GRIP1: variants seen among roughly 807,000 people sequenced by gnomAD.
GRIP1 encodes the protein glutamate receptor-interacting protein 1.
GRIP1 carries 45 observed loss-of-function variants against 129.9 expected under a neutral mutation model. The ratio of observed to expected loss-of-function variants is 0.35; its 90% CI spans 0.27 to 0.44. The LOEUF is 0.44. Ranked by LOEUF, GRIP1 falls within the 20% of genes least tolerant of loss-of-function variation. The pLI, the probability that GRIP1 is intolerant of heterozygous loss-of-function variation, is 1.00. For synonymous variants in GRIP1, 530 were observed against 520.8 expected (o/e 1.02, Z -0.24); for missense variants, 1,196 against 1,396.8 (o/e 0.86, Z 2.29).
chr12:66,698,938 G>C (rs770239913), intron 1 of GRIP1, among the ~76,000 whole-genome samples: 1 of 152,142 alleles, frequency 6.6e-6, no homozygotes, highest in Admixed American at 6.6e-5. Flanking sequence ...CCCTTGCAGC[G>C]TTGTTGGGAG....
intron 1 of GRIP1, among the ~76,000 whole-genome samples, chr12:66,784,269 T>C (rs1022876197): frequency 1.6e-4 from 24 of 152,192 alleles, no homozygotes; most frequent in Non-Finnish European, 1.5e-5. Flanking sequence ...CACTAATTGA[T>C]AGGGCCTGCT....
chr12:66,363,200 C>CTATATAT (rs1565666281), intron 23 of GRIP1, among the ~76,000 whole-genome samples: 1,630 of 88,222 alleles, frequency 0.018, 143 homozygotes, highest in East Asian at 0.078. Context: ...TGTGTGTGTC[C>CTATATAT]ATATATATAT....
chr12:66,729,374 G>C (rs565799228), intron 1 of GRIP1, among the ~76,000 whole-genome samples: 1 of 152,092 alleles, frequency 6.6e-6, no homozygotes, highest in South Asian at 2.1e-4. Context: ...AAAATATAAA[G>C]GCAAATAGTG....
intron 1 of GRIP1, among the ~76,000 whole-genome samples, chr12:66,715,639 C>T (rs537124847): frequency 6.6e-6 from 1 of 152,110 alleles, no homozygotes; most frequent in Non-Finnish European, 1.5e-5. Context: ...CTGAATAAAT[C>T]AGTGGTTGTC....
chr12:66,350,532 C>T (rs1012364004), intron 24 of GRIP1, among the ~76,000 whole-genome samples: 1 of 152,140 alleles, frequency 6.6e-6, no homozygotes, highest in Non-Finnish European at 1.5e-5. Context: ...CATTTTGTTA[C>T]TGTTAGAATC....
chr12:66,465,107 G>C (rs1359840031), intron 8 of GRIP1, among the ~76,000 whole-genome samples, 168 bp downstream of exon 8: 1 of 151,914 alleles, frequency 6.6e-6, no homozygotes, highest in African/African-American at 2.4e-5. Flanking sequence ...ACCATGACTG[G>C]CTAATTTCTT....
At chr12:66,396,635 A>G (rs1446357943) in intron 16 of GRIP1, among the ~76,000 whole-genome samples, 1 of 152,150 alleles carries the variant, frequency 6.6e-6, no homozygotes, top group African/African-American at 2.4e-5. Context: ...AGGTCACCCA[A>G]TGAGTTTAGA....
chr12:66,643,174 G>T (rs1327485648), intron 1 of GRIP1, among the ~76,000 whole-genome samples: 1 of 152,204 alleles, frequency 6.6e-6, no homozygotes, highest in Non-Finnish European at 1.5e-5. Context: ...AAATAGGCAT[G>T]TCCTTTCTGG....
chr12:66,948,740 T>C (rs1464540191), intron 1 of GRIP1, among the ~76,000 whole-genome samples: 1 of 152,100 alleles, frequency 6.6e-6, no homozygotes, highest in Non-Finnish European at 1.5e-5. Flanking sequence ...CATAGGTAAA[T>C]GGAAGAAGAG....
intron 1 of GRIP1, among the ~76,000 whole-genome samples, chr12:66,858,249 T>C (rs2040041290): frequency 6.6e-6 from 1 of 151,932 alleles, no homozygotes; most frequent in South Asian, 2.1e-4. Context: ...GTATGCTCTT[T>C]ACTAAAACAA....
At chr12:66,718,936 T>C (rs950762296) in intron 1 of GRIP1, among the ~76,000 whole-genome samples, 1 of 152,166 alleles carries the variant, frequency 6.6e-6, no homozygotes, top group African/African-American at 2.4e-5. Context: ...GTTTCCTACA[T>C]ATTTTTGTTC....
chr12:67,026,461 C>T (rs547514653), intron 1 of GRIP1, among the ~76,000 whole-genome samples: 2 of 152,332 alleles, frequency 1.3e-5, no homozygotes, highest in South Asian at 4.1e-4. Flanking sequence ...AACCGTATCT[C>T]CTCCCTCAAA....
intron 2 of GRIP1, among the ~76,000 whole-genome samples, chr12:66,570,131 A>G (rs2062910525): frequency 6.9e-6 from 1 of 145,008 alleles, no homozygotes; most frequent in Non-Finnish European, 1.5e-5. Flanking sequence ...ATGTATGTAT[A>G]TATTAGAGAC....
intron 2 of GRIP1, among the ~76,000 whole-genome samples, chr12:66,560,385 C>T (rs1318815993): frequency 6.6e-6 from 1 of 151,884 alleles, no homozygotes; most frequent in Admixed American, 6.6e-5. Context: ...AAGAGACAAC[C>T]CACAGAATGG....
intron 1 of GRIP1, among the ~76,000 whole-genome samples, chr12:66,660,745 A>G (rs538638930): frequency 6.6e-6 from 1 of 152,230 alleles, no homozygotes; most frequent in South Asian, 2.1e-4. Context: ...GCTTTTATTC[A>G]GATATTTATA....
At chr12:66,807,406 G>T (rs541227427), upstream of GRIP1, among the ~76,000 whole-genome samples, 48 of 152,100 alleles carry the variant, frequency 3.2e-4, no homozygotes, top group African/African-American at 9.4e-4. Context: ...AGGCGCGGTG[G>T]CTCACGCCTG....
chr12:66,605,477 A>G (rs2064480097), intron 1 of GRIP1, among the ~76,000 whole-genome samples: 4 of 152,182 alleles, frequency 2.6e-5, no homozygotes, highest in Admixed American at 2.6e-4. Context: ...GCAAAATGCA[A>G]TCAGGATGAC....
chr12:66,963,130 T>G (rs1351896240), intron 1 of GRIP1, among the ~76,000 whole-genome samples: 1 of 151,816 alleles, frequency 6.6e-6, no homozygotes, highest in Admixed American at 6.6e-5. Context: ...AGCAACATGG[T>G]GGGACCCCAC....
chr12:66,413,651 A>C (rs1157017437), intron 15 of GRIP1, among the ~76,000 whole-genome samples: 1 of 152,200 alleles, frequency 6.6e-6, no homozygotes, highest in African/African-American at 2.4e-5. Context: ...ACAGCAAGTA[A>C]AAACTTCAGG....
Sources: allele counts gnomAD v4.1 joint callset (sites outside exome capture counted in the v4.1 genomes callset), GRCh38; gene constraint gnomAD v4.1.1; transcripts MANE v1.5; gene names NCBI Gene and HGNC (gene_info 2026-07-23, HGNC 2026-07-21).